The following PES1 variants were observed in gnomAD, a reference collection of about 807,000 sequenced individuals.
The protein encoded by PES1 is pescadillo ribosomal biogenesis factor 1, also known as pescadillo homolog.
Under a neutral mutation model 77.1 loss-of-function variants are expected in PES1, and 31 were observed. That is an observed-to-expected ratio of 0.40 (90% CI 0.30 to 0.54). The LOEUF (loss-of-function observed/expected upper bound fraction) is 0.54. Among genes scored for constraint, PES1 ranks in the 20% least tolerant of loss-of-function variants. PES1 has a pLI of 0.45. For synonymous variants in PES1, 282 were observed against 303.0 expected (o/e 0.93, Z 0.72); for missense variants, 658 against 771.7 (o/e 0.85, Z 1.75).
rs778156629 is a variant in PES1 at position 30,579,133 on chromosome 22, C to G, written c.1521+4G>C. ...GCCAAGCCCCGCATTGCAGCTCCCCCTACCTTCCCCTCCATCCTCTGCTCT... is the reference window on the plus strand; with the variant it reads ...GCCAAGCCCCGCATTGCAGCTCCCCGTACCTTCCCCTCCATCCTCTGCTCT... On this transcript the variant is annotated splice_donor_region_variant and intron_variant, in intron 13 of 14. Transcript: ENST00000354694. 29 of 1,608,244 alleles carry G rather than the reference C, an allele frequency of 1.8e-5. No homozygotes were observed. In the South Asian group the frequency reaches 3.0e-4, roughly 16 times the overall value.
chr22:30,602,729 C>G (rs548382583), intron 2 of PES1, among the ~76,000 whole-genome samples: 1 of 152,060 alleles, frequency 6.6e-6, no homozygotes, highest in Non-Finnish European at 1.5e-5. Flanking sequence ...ATCACCTCTT[C>G]TTGAAGTTTT....
At chr22:30,587,914 G>A in intron 3 of PES1, 107 bp downstream of exon 3, 1 of 1,142,978 alleles carries the variant, frequency 8.7e-7, no homozygotes, top group East Asian at 2.4e-5. Flanking sequence ...CCTGCCCTCT[G>A]TATAGGCTTA....
chr22:30,597,848 T>G (rs1292911456), intron 2 of PES1, among the ~76,000 whole-genome samples: 2 of 146,998 alleles, frequency 1.4e-5, no homozygotes, highest in African/African-American at 5.1e-5. Flanking sequence ...CTGTGGTAAC[T>G]CGCTCGGTTT....
At chr22:30,592,120 T>C (rs138938937), upstream of PES1, 2,305 of 1,255,522 alleles carry the variant, frequency 1.8e-3, 27 homozygotes, top group African/African-American at 0.03. Context: ...ATACAGGCTT[T>C]TCTGTAATCA....
intron 1 of PES1, among the ~76,000 whole-genome samples, chr22:30,591,104 G>A (rs1368610274): frequency 1.3e-5 from 2 of 152,002 alleles, no homozygotes; most frequent in Non-Finnish European, 2.9e-5. Context: ...AACTCTAATC[G>A]TGTTACTCCT....
intron 6 of PES1, among the ~76,000 whole-genome samples, chr22:30,582,621 C>T (rs547023279): frequency 5.3e-5 from 8 of 152,300 alleles, no homozygotes; most frequent in South Asian, 4.1e-4. Context: ...TTCCGAGCAA[C>T]GTGAAAATCA....
At chr22:30,591,995 T>A (rs1224003496), upstream of PES1, 1 of 1,380,538 alleles carries the variant, frequency 7.2e-7, no homozygotes, top group African/African-American at 1.5e-5. Context: ...AAGATGGGGA[T>A]TTCCTCCTCA....
Position 30,580,703 on chromosome 22 carries a change from T to C in PES1, c.913-2A>G. 1 of 1,613,070 alleles carries C rather than the reference T, an allele frequency of 6.2e-7. No homozygotes were observed. The highest frequency in any genetic ancestry group is 8.5e-7 in the Non-Finnish European group (1 of 1,180,002). On this transcript the variant is annotated splice_acceptor_variant, in intron 9 of 14. Transcript: ENST00000354694. LOFTEE classifies it high-confidence loss of function. ...GTCTTCCTCCTGCGCTGACATCTCC[T>C]GTTGAGAAAGGGGCCAGGCCTCGCA...
chr22:30,577,410 G>T (rs1395766474), intron 14 of PES1, among the ~76,000 whole-genome samples: 1 of 152,168 alleles, frequency 6.6e-6, no homozygotes, highest in Non-Finnish European at 1.5e-5. Flanking sequence ...ACACCACCTG[G>T]GAAAGCTGGA....
At chr22:30,589,729 G>A (rs1216342783) in intron 1 of PES1, among the ~76,000 whole-genome samples, 1 of 147,830 alleles carries the variant, frequency 6.8e-6, no homozygotes, top group Non-Finnish European at 1.5e-5. Flanking sequence ...TCAAACTCAG[G>A]TCTGAGTCCA....
At chr22:30,584,136 A>G (rs2087030189) in intron 6 of PES1, 1 of 568,342 alleles carries the variant, frequency 1.8e-6, no homozygotes, top group Admixed American at 3.0e-5. Context: ...GAGAGGTGAA[A>G]GGAACACGTC....
chr22:30,595,969 T>C (rs1324027422), upstream of PES1, among the ~76,000 whole-genome samples: 1 of 152,176 alleles, frequency 6.6e-6, no homozygotes, highest in East Asian at 1.9e-4. Flanking sequence ...TCAGGAACCC[T>C]TTGGCTTACA....
chr22:30,602,578 C>G (rs906297965), intron 2 of PES1, among the ~76,000 whole-genome samples: 1 of 151,680 alleles, frequency 6.6e-6, no homozygotes. Context: ...AAGATAGGGG[C>G]TCACTATGTT....
At chr22:30,584,166 G>C in intron 6 of PES1, 199 bp downstream of exon 6, 1 of 600,584 alleles carries the variant, frequency 1.7e-6, no homozygotes, top group Non-Finnish European at 3.0e-6. Context: ...GCAGCTGGCA[G>C]GTGCTGCCAT....
Position 30,581,525 on chromosome 22 carries a change from T to A in PES1, c.747+3A>T. 1 of 1,612,666 alleles carries A rather than the reference T, an allele frequency of 6.2e-7. No individual in the cohort carries two copies. Among genetic ancestry groups the A allele is most frequent in the Non-Finnish European group, 8.5e-7 (1 of 1,178,952 alleles). On this transcript the variant is annotated splice_donor_region_variant and intron_variant, in intron 7 of 14. Coordinates refer to ENST00000354694, the MANE Select transcript of PES1 (RefSeq NM_014303.4). ...AGCAGAAGGCACTGGGCTGGGGTCC[T>A]ACCTTCGGGGGATAGTGGAGGTTGA...
chr22:30,601,492 T>C (rs964197913), intron 2 of PES1, among the ~76,000 whole-genome samples: 2 of 151,840 alleles, frequency 1.3e-5, no homozygotes, highest in Non-Finnish European at 2.9e-5. Context: ...TTTGTATTTT[T>C]AATACAGACA....
chr22:30,598,867 TTA>T (rs2087307471), intron 2 of PES1, among the ~76,000 whole-genome samples: 1 of 148,924 alleles, frequency 6.7e-6, no homozygotes, highest in Non-Finnish European at 1.5e-5. Flanking sequence ...TTTTTCAAGT[TTA>T]TGTGACTTAA....
At chr22:30,586,400 C>G (rs896817199) in intron 4 of PES1, among the ~76,000 whole-genome samples, 1 of 152,186 alleles carries the variant, frequency 6.6e-6, no homozygotes, top group Non-Finnish European at 1.5e-5. Context: ...TGAAGCCAAC[C>G]CGAGCCATCC....
intron 2 of PES1, among the ~76,000 whole-genome samples, chr22:30,597,925 C>T (rs987142106): frequency 7.1e-6 from 1 of 140,376 alleles, no homozygotes; most frequent in Admixed American, 7.5e-5. Context: ...ACTCTGTCGC[C>T]CAGGCTGGAG....
Sources: gnomAD v4.1 joint callset for allele counts (sites outside exome capture counted in the v4.1 genomes callset) on GRCh38, gnomAD v4.1.1 for gene constraint, MANE v1.5 for transcripts, NCBI Gene and HGNC (gene_info 2026-07-23, HGNC 2026-07-21) for gene names.